DARS1: variants seen among roughly 807,000 people sequenced by gnomAD.
The protein encoded by DARS1 is aspartyl-tRNA synthetase 1.
Under a neutral mutation model 68.8 loss-of-function variants are expected in DARS1, and 51 were observed. That is an observed-to-expected ratio of 0.74 (90% confidence interval 0.59 to 0.94). The LOEUF is 0.94. DARS1 is among the 40% of genes least tolerant of loss of function. The probability of loss-of-function intolerance (pLI) is 0.00; values close to 1 mark genes in which losing one functional copy is unlikely to be tolerated. For synonymous variants in DARS1, 203 were observed against 190.4 expected (o/e 1.07, Z -0.55); for missense variants, 607 against 597.3 (o/e 1.02, Z -0.17).
chr2:135,964,265 A>G (rs1422223287), intron 3 of DARS1, among the ~76,000 whole-genome samples: 3 of 152,226 alleles, frequency 2.0e-5, no homozygotes, highest in Middle Eastern at 3.2e-3. Flanking sequence ...TGGTGAAATT[A>G]TAGGAAATTG....
intron 2 of DARS1, chr2:135,980,548 G>C (rs1682602905): frequency 1.3e-5 from 2 of 152,188 alleles, no homozygotes; most frequent in Non-Finnish European, 2.9e-5. Context: ...CAAAGAGAAT[G>C]AAAGAGGAAT....
In DARS1 at chr2:135,985,174, C is replaced by A. The variant is rs1682745822; in HGVS notation, c.66+229G>T. The A allele has an allele frequency of 4.9e-6, 3 of 617,808 alleles. No individual in the cohort carries two copies. The East Asian group carries it at 8.7e-5, about 18-fold the overall frequency. 38.3% of individuals were successfully genotyped at this position (617,808 alleles called of 1,614,324 possible). On this transcript the variant is annotated intron_variant, in intron 1 of 15. Coordinates refer to ENST00000264161, the MANE Select transcript of DARS1 (RefSeq NM_001349.4). Reference sequence around the variant, plus strand: ...CTTCCCGTCCTCCCCACCCCGGGGACACGCTTCTAGTAGGCCAAACTCCCA... The same window carrying A: ...CTTCCCGTCCTCCCCACCCCGGGGAAACGCTTCTAGTAGGCCAAACTCCCA...
chr2:135,927,296 TCTAAA>T (rs1171032305), intron 7 of DARS1, among the ~76,000 whole-genome samples: 3 of 152,152 alleles, frequency 2.0e-5, no homozygotes, highest in Non-Finnish European at 4.4e-5. Context: ...ATTAAATGCT[TCTAAA>T]CTATAGTACA....
intron 4 of DARS1, among the ~76,000 whole-genome samples, chr2:135,948,102 C>G (rs896493292): frequency 6.6e-6 from 1 of 152,152 alleles, no homozygotes; most frequent in East Asian, 1.9e-4. Context: ...TCTTAGCACA[C>G]CTTTAGCATT....
chr2:135,909,237 T>C, intron 15 of DARS1, among the ~76,000 whole-genome samples: 1 of 152,126 alleles, frequency 6.6e-6, no homozygotes, highest in Non-Finnish European at 1.5e-5. Context: ...GGCACATGTT[T>C]ACCTATGTAA....
intron 10 of DARS1, 53 bp from the exon 11 acceptor site, chr2:135,916,425 A>C (rs1681007299): frequency 1.9e-6 from 2 of 1,040,306 alleles, no homozygotes; most frequent in Non-Finnish European, 3.0e-6. Flanking sequence ...TGTTTCCCCC[A>C]CAAGAGGTCA....
In DARS1 at chr2:135,955,673, CTTTTTTT is replaced by C. The variant is rs75123258; in HGVS notation, c.320+5716_320+5722del. 6.2e-4 allele frequency among the ~76,000 whole-genome samples: 38 copies of C among 61,332 alleles called. No individual in the cohort carries two copies. The East Asian group carries it at 9.5e-3, about 15-fold the overall frequency. 40.2% of individuals were successfully genotyped at this position (61,332 alleles called of 152,430 possible). On this transcript the variant is annotated intron_variant, in intron 4 of 15. Transcript: ENST00000264161. Reference sequence around the variant, plus strand: ...ACCACCACCTTTTGAAAATAAAAATCTTTTTTTTTTTTTTTTTTTTTTTTTTTTTTTT... The same window carrying C: ...ACCACCACCTTTTGAAAATAAAAATCTTTTTTTTTTTTTTTTTTTTTTTTT...
At chr2:135,983,293 A>C in intron 2 of DARS1, 104 bp downstream of exon 2, 1 of 693,562 alleles carries the variant, frequency 1.4e-6, no homozygotes, top group East Asian at 2.8e-5. Flanking sequence ...AGCTTTTCAG[A>C]ATTATACCTT....
rs1680776400 is a variant in DARS1 at position 135,906,196 on chromosome 2, T to C, written c.*1120A>G. On this transcript the variant is annotated 3_prime_UTR_variant, in exon 16 of 16. Coordinates refer to ENST00000264161, the MANE Select transcript of DARS1 (RefSeq NM_001349.4). ...TGTTCGTGGTCCAGGGGTAACTTCCTAACTTTTTGACCCTCATATTTTTCT... is the reference window on the plus strand; with the variant it reads ...TGTTCGTGGTCCAGGGGTAACTTCCCAACTTTTTGACCCTCATATTTTTCT... Among the ~76,000 whole-genome samples the C allele has an allele frequency of 6.6e-6, 1 of 152,210 alleles. No individual in the cohort carries two copies. The highest frequency in any genetic ancestry group is 1.5e-5 in the Non-Finnish European group (1 of 68,026).
intron 3 of DARS1, among the ~76,000 whole-genome samples, chr2:135,974,824 A>G (rs1276867489): frequency 6.6e-6 from 1 of 152,236 alleles, no homozygotes; most frequent in East Asian, 1.9e-4. Context: ...ACAGACTTGG[A>G]GAAAATTATT....
chr2:135,954,469 A>G (rs1339348511), intron 4 of DARS1, among the ~76,000 whole-genome samples: 1 of 152,132 alleles, frequency 6.6e-6, no homozygotes, highest in Non-Finnish European at 1.5e-5. Context: ...TTGTGGCTCC[A>G]CGCTTAGTAT....
intron 7 of DARS1, among the ~76,000 whole-genome samples, chr2:135,928,430 T>A (rs1347991736): frequency 2.0e-5 from 3 of 152,242 alleles, no homozygotes; most frequent in Middle Eastern, 6.8e-3. Context: ...GAGGACTCTG[T>A]TGCCCAGGCT....
chr2:135,926,201 T>G (rs1217134829), intron 7 of DARS1, among the ~76,000 whole-genome samples: 1 of 152,198 alleles, frequency 6.6e-6, no homozygotes, highest in Admixed American at 6.5e-5. Flanking sequence ...TAAACTCACT[T>G]CAACATCTTG....
At chr2:135,974,230 T>A (rs1263488188) in intron 3 of DARS1, among the ~76,000 whole-genome samples, 1 of 152,220 alleles carries the variant, frequency 6.6e-6, no homozygotes, top group African/African-American at 2.4e-5. Context: ...ACGCAAATAC[T>A]CTGCCACTCT....
intron 4 of DARS1, among the ~76,000 whole-genome samples, chr2:135,954,325 C>CAAAAAAA (rs1172207033): frequency 1.2e-5 from 1 of 81,472 alleles, no homozygotes; most frequent in Non-Finnish European, 2.5e-5. Context: ...AAAACAAAAC[C>CAAAAAAA]AAAAAAAAAA....
chr2:135,959,441 G>A (rs765774858), intron 4 of DARS1, among the ~76,000 whole-genome samples: 5 of 115,328 alleles, frequency 4.3e-5, no homozygotes, highest in East Asian at 2.7e-4. Flanking sequence ...AAGATCGCCC[G>A]TATATCATCC....
intron 6 of DARS1, among the ~76,000 whole-genome samples, chr2:135,933,124 T>C (rs2104810387): frequency 6.6e-6 from 1 of 152,252 alleles, no homozygotes; most frequent in South Asian, 2.1e-4. Context: ...TAAGAAAAAT[T>C]AACCACCCAC....
chr2:135,954,236 A>G (rs1226824325), intron 4 of DARS1, among the ~76,000 whole-genome samples: 1 of 151,512 alleles, frequency 6.6e-6, no homozygotes, highest in Non-Finnish European at 1.5e-5. Flanking sequence ...GTGTGAATCC[A>G]GAATCTAAGA....
chr2:135,983,658 GGTTA>G, intron 1 of DARS1, among the ~76,000 whole-genome samples: 1 of 152,176 alleles, frequency 6.6e-6, no homozygotes, highest in South Asian at 2.1e-4. Flanking sequence ...TACTGTTTCT[GGTTA>G]GTTTGTTTTG....
Sources: allele counts gnomAD v4.1 joint callset (sites outside exome capture counted in the v4.1 genomes callset), GRCh38; gene constraint gnomAD v4.1.1; transcripts MANE v1.5; gene names NCBI Gene and HGNC (gene_info 2026-07-23, HGNC 2026-07-21).